The following SIPA1L1 variants were observed in gnomAD, a reference collection of about 807,000 sequenced individuals.
The protein encoded by SIPA1L1 is signal-induced proliferation-associated 1-like protein 1.
In SIPA1L1, 26 loss-of-function variants were observed where a neutral mutation model predicts 162.7. The observed-to-expected ratio is 0.16, with a 90% confidence interval of 0.12 to 0.22. SIPA1L1 has a LOEUF of 0.22. SIPA1L1 is among the 10% of genes least tolerant of loss of function. The probability of loss-of-function intolerance (pLI) is 1.00; values close to 1 mark genes in which losing one functional copy is unlikely to be tolerated. For synonymous variants in SIPA1L1, 829 were observed against 837.4 expected, an observed-to-expected ratio of 0.99 and a Z score of 0.17; for missense variants, 1,874 against 2,241.0, an observed-to-expected ratio of 0.84 and a Z score of 3.31.
At chr14:71,453,923 G>A (rs2045994522) in intron 2 of SIPA1L1, among the ~76,000 whole-genome samples, 2 of 145,466 alleles carry the variant, frequency 1.4e-5, no homozygotes, top group South Asian at 2.2e-4. Flanking sequence ...GAACCTGGGA[G>A]GCAAAAGTTG....
intron 12 of SIPA1L1, among the ~76,000 whole-genome samples, chr14:71,679,821 C>G (rs1390717273): frequency 6.6e-6 from 1 of 151,986 alleles, no homozygotes; most frequent in Non-Finnish European, 1.5e-5. Context: ...CAACAAAGAT[C>G]AAAAGAGACA....
chr14:71,546,093 AAG>A (rs2055163551), intron 4 of SIPA1L1, among the ~76,000 whole-genome samples: 1 of 152,122 alleles, frequency 6.6e-6, no homozygotes, highest in Non-Finnish European at 1.5e-5. Context: ...AGGAAAAAAA[AAG>A]AGAGAGAGAA....
intron 2 of SIPA1L1, chr14:71,330,407 G>T (rs138297327): frequency 1.6e-6 from 2 of 1,253,278 alleles, no homozygotes; most frequent in Non-Finnish European, 2.3e-6. Flanking sequence ...CTGATTTCAC[G>T]AGCTGTCTTC....
chr14:71,517,839 G>A (rs769780179), intron 3 of SIPA1L1, among the ~76,000 whole-genome samples: 8 of 151,568 alleles, frequency 5.3e-5, no homozygotes, highest in Non-Finnish European at 8.8e-5. Flanking sequence ...TTTTTCTCTC[G>A]GATTGTTTAT....
At chr14:71,703,353 A>G (rs1314657890) in intron 15 of SIPA1L1, among the ~76,000 whole-genome samples, 1 of 152,192 alleles carries the variant, frequency 6.6e-6, no homozygotes, top group Non-Finnish European at 1.5e-5. Flanking sequence ...CTTCTCTGCA[A>G]ATTCATTGTT....
intron 10 of SIPA1L1, among the ~76,000 whole-genome samples, chr14:71,668,939 C>CT (rs541873038): frequency 1.2e-3 from 178 of 152,230 alleles, no homozygotes; most frequent in African/African-American, 4.0e-3. Context: ...TCTAGAAAGG[C>CT]TTTTTTTCTA....
At chr14:71,461,207 G>A (rs2046576994) in intron 2 of SIPA1L1, among the ~76,000 whole-genome samples, 1 of 152,146 alleles carries the variant, frequency 6.6e-6, no homozygotes, top group Admixed American at 6.5e-5. Context: ...TAATCAACCT[G>A]CCACTAGGTA....
intron 4 of SIPA1L1, among the ~76,000 whole-genome samples, chr14:71,539,780 C>T (rs1173190953): frequency 6.6e-6 from 1 of 152,134 alleles, no homozygotes. Flanking sequence ...GTGACCTGGA[C>T]TACAGGAAAT....
chr14:71,361,185 T>C (rs2037777583), intron 2 of SIPA1L1, among the ~76,000 whole-genome samples: 1 of 152,212 alleles, frequency 6.6e-6, no homozygotes, highest in Non-Finnish European at 1.5e-5. Context: ...ATCATGCAAC[T>C]GAGTTGTAAC....
intron 8 of SIPA1L1, among the ~76,000 whole-genome samples, chr14:71,650,844 AC>A (rs1179474764): frequency 1.3e-5 from 2 of 152,198 alleles, no homozygotes; most frequent in Non-Finnish European, 1.5e-5. Flanking sequence ...CCGGAAACTT[AC>A]AACTGTCTGA....
intron 2 of SIPA1L1, among the ~76,000 whole-genome samples, chr14:71,496,951 C>T (rs2049838192): frequency 6.6e-6 from 1 of 152,126 alleles, no homozygotes; most frequent in Non-Finnish European, 1.5e-5. Flanking sequence ...GCAGGAGGAT[C>T]ATGAGGTCAG....
chr14:71,722,087 G>T (rs2083790416), intron 17 of SIPA1L1, among the ~76,000 whole-genome samples: 1 of 152,170 alleles, frequency 6.6e-6, no homozygotes, highest in Non-Finnish European at 1.5e-5. Context: ...CTCCCTCTCT[G>T]ACGTGCACAG....
intron 7 of SIPA1L1, among the ~76,000 whole-genome samples, chr14:71,638,753 A>G (rs1382630392): frequency 2.0e-5 from 3 of 152,220 alleles, no homozygotes; most frequent in African/African-American, 7.2e-5. Context: ...GCAAAACCCT[A>G]AGGAATCTAT....
intron 2 of SIPA1L1, among the ~76,000 whole-genome samples, chr14:71,399,794 T>C (rs1008994463): frequency 2.0e-5 from 3 of 152,034 alleles, no homozygotes; most frequent in Admixed American, 6.5e-5. Context: ...CAGTCTCGAC[T>C]CACTGCAACC....
chr14:71,370,485 T>TTAAAGACAGGTGTGTGCATTGCTTAAGTG, intron 2 of SIPA1L1, among the ~76,000 whole-genome samples: 1 of 152,178 alleles, frequency 6.6e-6, no homozygotes, highest in Non-Finnish European at 1.5e-5. Flanking sequence ...GGATAGACTT[T>TTAAAGACAGGTGTGTGCATTGCTTAAGTG]TAAAGACAGG....
chr14:71,667,421 G>A (rs1434128481), intron 10 of SIPA1L1, among the ~76,000 whole-genome samples: 1 of 152,172 alleles, frequency 6.6e-6, no homozygotes, highest in African/African-American at 2.4e-5. Context: ...TTTCTGGAGG[G>A]CTGAGCCCGG....
Position 71,730,320 on chromosome 14 carries a change from G to A in SIPA1L1, c.4861+19G>A. 1 of 1,612,444 alleles carries A rather than the reference G, an allele frequency of 6.2e-7. No individual in the cohort carries two copies. Among genetic ancestry groups the A allele is most frequent in the Non-Finnish European group, 8.5e-7 (1 of 1,179,006 alleles). On this transcript the variant is annotated intron_variant, in intron 20 of 23. Coordinates refer to ENST00000381232, the MANE Select transcript of SIPA1L1 (RefSeq NM_001386936.1). ...CTGCATGGTAAGTGGTCTTTCAGCT[G>A]CAGCCTGGATGGCCCTGTTGATGAT...
chr14:71,647,941 G>A (rs886425213), intron 7 of SIPA1L1, among the ~76,000 whole-genome samples: 3 of 151,964 alleles, frequency 2.0e-5, no homozygotes, highest in Admixed American at 6.6e-5. Flanking sequence ...ACTAAGTCCC[G>A]AATGTGTGCC....
chr14:71,602,639 C>CT (rs2036912728), intron 5 of SIPA1L1, among the ~76,000 whole-genome samples: 1 of 152,204 alleles, frequency 6.6e-6, no homozygotes, highest in Non-Finnish European at 1.5e-5. Context: ...GATGATCTGT[C>CT]TAAGGATGAG....
Sources: gnomAD v4.1 joint callset for allele counts (sites outside exome capture counted in the v4.1 genomes callset) on GRCh38, gnomAD v4.1.1 for gene constraint, MANE v1.5 for transcripts, NCBI Gene and HGNC (gene_info 2026-07-23, HGNC 2026-07-21) for gene names.